The following EP400 variants were observed in gnomAD, a reference collection of about 807,000 sequenced individuals.
EP400 encodes the protein E1A-binding protein p400.
In EP400, 105 loss-of-function variants were observed where a neutral mutation model predicts 354.1. The observed-to-expected ratio is 0.30, with a 90% CI of 0.25 to 0.35. The LOEUF (loss-of-function observed/expected upper bound fraction) is 0.35, where lower values mean the gene tolerates loss of function less well. Ranked by LOEUF, EP400 falls within the 10% of genes least tolerant of loss-of-function variation. The pLI is 1.00. For missense variants in EP400, 3,280 were observed against 4,121.0 expected (o/e 0.80, Z 5.59); for synonymous variants, 1,646 against 1,716.9 (o/e 0.96, Z 1.02).
chr12:132,048,442 A>T (rs555672420), intron 39 of EP400, among the ~76,000 whole-genome samples: 6 of 152,230 alleles, frequency 3.9e-5, no homozygotes, highest in African/African-American at 1.4e-4. Context: ...TCCTGCAACA[A>T]TATTGTCTTC....
chr12:131,952,806 G>A, intron 1 of EP400, among the ~76,000 whole-genome samples: 1 of 152,092 alleles, frequency 6.6e-6, no homozygotes, highest in East Asian at 1.9e-4. Flanking sequence ...CGGTTTGTCT[G>A]TTGCCCGCTG....
Position 132,067,364 on chromosome 12 carries a change from C to A in EP400, c.8752C>A (p.Gln2918Lys). The stretch of plus-strand genomic sequence containing the variant: ...TAAGGGGCTTTTGCTGCCTGCAGGA[C>A]AGACCGTGGTGGCCCAGCCCGTGCA... ...AIGQPQKAAG[Q>K]TVVAQPVHMQ... is the part of the protein sequence containing the mutation. Residue 2918 changes from glutamine to lysine, a missense_variant and splice_region_variant, in exon 50 of 53, where the codon CAG becomes AAG. Physicochemically the swap from Gln to Lys is moderately conservative, Grantham distance 53 (BLOSUM62 1). Around this residue, in one of 20 missense-constraint regions of EP400, gnomAD observed 279 missense variants for 386.7 expected, o/e 0.72. Transcript: ENST00000389561. The surrounding 1 kb of genome is among the most constrained non-coding windows in gnomAD (Gnocchi z 5.3). 1.2e-6 allele frequency: 2 copies of A among 1,613,382 alleles called. No individual in the cohort carries two copies. The highest frequency in any genetic ancestry group is 1.7e-6 in the Non-Finnish European group (2 of 1,179,982).
At chr12:132,063,630 G>C (rs1895781636) in intron 47 of EP400, among the ~76,000 whole-genome samples, 1 of 152,210 alleles carries the variant, frequency 6.6e-6, no homozygotes, top group South Asian at 2.1e-4. Context: ...CTCACTGTTG[G>C]GCCTGCCGGA....
intron 47 of EP400, among the ~76,000 whole-genome samples, chr12:132,063,665 G>T (rs754385839): frequency 1.2e-4 from 19 of 152,156 alleles, no homozygotes; most frequent in Non-Finnish European, 1.8e-4. Flanking sequence ...GCCTCTCCGT[G>T]GTCTGGAAGG....
intron 29 of EP400, 152 bp from the exon 30 acceptor site, chr12:132,031,801 C>T: frequency 1.5e-6 from 1 of 672,228 alleles, no homozygotes; most frequent in Non-Finnish European, 2.5e-6. Context: ...GTGATCCACC[C>T]ACCTCGGCCT....
chr12:131,970,641 T>G (rs1163317620), intron 2 of EP400, among the ~76,000 whole-genome samples: 1 of 152,208 alleles, frequency 6.6e-6, no homozygotes, highest in East Asian at 1.9e-4. Context: ...TCGTGCACAT[T>G]GATGCGCAGG....
At chr12:131,992,312 GT>G in intron 11 of EP400, 82 bp downstream of exon 11, 1 of 1,303,378 alleles carries the variant, frequency 7.7e-7, no homozygotes, top group Non-Finnish European at 1.1e-6. Context: ...TTGGGGTTTA[GT>G]CTTGTCATCT....
chr12:132,077,088 T>G (rs1405717804), intron 52 of EP400, among the ~76,000 whole-genome samples: 2 of 152,260 alleles, frequency 1.3e-5, no homozygotes, highest in Non-Finnish European at 2.9e-5. Context: ...AAAGTCACAC[T>G]GGCATATAGA....
chr12:132,073,610 G>C (rs1001187569), intron 51 of EP400, among the ~76,000 whole-genome samples: 2 of 150,272 alleles, frequency 1.3e-5, no homozygotes, highest in Non-Finnish European at 3.0e-5. Context: ...CATGCCACCA[G>C]GCCCAGCTAA....
chr12:132,014,398 G>A (rs1441803005), intron 19 of EP400, among the ~76,000 whole-genome samples: 4 of 152,174 alleles, frequency 2.6e-5, no homozygotes, highest in East Asian at 1.9e-4. Context: ...ATGGCCAGCC[G>A]CTGTGCCTCT....
intron 30 of EP400, among the ~76,000 whole-genome samples, chr12:132,037,172 G>A (rs1016616173): frequency 2.6e-5 from 4 of 152,158 alleles, no homozygotes; most frequent in Non-Finnish European, 1.5e-5. Context: ...CTGTCCAGTG[G>A]GGTGACATCT....
chr12:131,998,455 A>C (rs1049542139), intron 12 of EP400, among the ~76,000 whole-genome samples: 1 of 152,140 alleles, frequency 6.6e-6, no homozygotes, highest in African/African-American at 2.4e-5. Flanking sequence ...ATAGCTTTCC[A>C]TAAAATTTCA....
chr12:131,959,312 A>C (rs546276687), intron 1 of EP400, among the ~76,000 whole-genome samples: 2 of 152,250 alleles, frequency 1.3e-5, no homozygotes, highest in Admixed American at 1.3e-4. Context: ...GGTGCCACTC[A>C]CCATTGCGTT....
rs1366685383 is a variant in EP400, at chr12:132,021,129, C to A, written c.4498C>A (p.His1500Asn). The A allele has an allele frequency of 8.1e-6, 13 of 1,600,220 alleles. No homozygotes were observed. Among genetic ancestry groups the A allele is most frequent in the Non-Finnish European group, 1.1e-5 (13 of 1,179,798 alleles). Residue 1500 changes from histidine to asparagine, a missense_variant, in exon 23 of 53, where the codon CAC becomes AAC. By Grantham distance (68) the His-to-Asn change is moderately conservative. Transcript: ENST00000389561. ...TSQASASAPR[H>N]QPASASSTAA... ...TCAGGCTTCCGCCAGTGCTCCACGA[C>A]ACCAGCCCGCCTCGGCCTCCAGCAC...
intron 47 of EP400, among the ~76,000 whole-genome samples, chr12:132,064,073 T>C (rs1895805609): frequency 7.6e-6 from 1 of 130,850 alleles, no homozygotes; most frequent in Admixed American, 8.2e-5. Context: ...CTGCCCCGGT[T>C]CAACCACTGA....
In EP400 at chr12:131,990,968, C is replaced by CAGTG. The variant is rs1893012768; in HGVS notation, c.2629+261_2629+264dup. ...ACAGAACTGGGGTTCAGTCCCTGGA[C>CAGTG]AGTGAGTGAGGAGCTTCCTGAGGTG... is the stretch of plus-strand genomic sequence containing the variant. On this transcript the variant is annotated intron_variant, in intron 9 of 52. Transcript: ENST00000389561. This position sits in a 1 kb window ranked among gnomAD's most constrained non-coding sequence, Gnocchi z 4.2. 1.3e-5 allele frequency among the ~76,000 whole-genome samples: 2 copies of CAGTG among 152,336 alleles called. No homozygotes were observed. The highest frequency in any genetic ancestry group is 3.9e-4 in the East Asian group (2 of 5,188).
intron 39 of EP400, among the ~76,000 whole-genome samples, chr12:132,049,367 G>C (rs1593373532): frequency 6.6e-6 from 1 of 152,266 alleles, no homozygotes; most frequent in East Asian, 1.9e-4. Flanking sequence ...GGAGGAGAAT[G>C]CTTCCCTGTA....
intron 5 of EP400, among the ~76,000 whole-genome samples, chr12:131,983,369 A>T (rs1892747124): frequency 6.6e-6 from 1 of 152,224 alleles, no homozygotes; most frequent in Non-Finnish European, 1.5e-5. Context: ...GGCGTTACTG[A>T]TGCAGCTTGA....
At position 132,027,435 on chromosome 12, in the gene EP400, A is replaced by G; in HGVS notation, c.5015-2A>G. On this transcript the variant is annotated splice_acceptor_variant, in intron 25 of 52. Transcript: ENST00000389561. LOFTEE classifies it high-confidence loss of function. This position sits in a 1 kb window ranked among gnomAD's most constrained non-coding sequence, Gnocchi z 4.9. ...TTCACCTCTTCCTTTATGCATTTGT[A>G]GTTGGCGTTCCGGGCCGCGTGGCGG... 1 of 1,614,044 alleles carries G rather than the reference A, an allele frequency of 6.2e-7. No individual in the cohort carries two copies. Among genetic ancestry groups the G allele is most frequent in the Non-Finnish European group, 8.5e-7 (1 of 1,180,020 alleles).
Sources: allele counts gnomAD v4.1 joint callset (sites outside exome capture counted in the v4.1 genomes callset), GRCh38; gene constraint gnomAD v4.1.1; regional missense constraint gnomAD v4.1.1; non-coding constraint Gnocchi (gnomAD v3.1); transcripts MANE v1.5; gene names NCBI Gene and HGNC (gene_info 2026-07-23, HGNC 2026-07-21).